The following ECEL1 variants were observed in gnomAD, a reference collection of about 807,000 sequenced individuals.
The protein encoded by ECEL1 is endothelin-converting enzyme-like 1.
Under a neutral mutation model 101.8 loss-of-function variants are expected in ECEL1, and 87 were observed. The ratio of observed to expected loss-of-function variants is 0.85; its 90% confidence interval spans 0.72 to 1.02. The LOEUF is 1.02. ECEL1 is among the 50% of genes least tolerant of loss of function. ECEL1 has a pLI of 0.00. For missense variants in ECEL1, 1,032 were observed against 1,079.2 expected, an observed-to-expected ratio of 0.96 and a Z score of 0.61; for synonymous variants, 487 against 468.7, an observed-to-expected ratio of 1.04 and a Z score of -0.50.
At position 232,484,232 on chromosome 2, in the gene ECEL1, C is replaced by A. The variant is rs758831732; in HGVS notation, c.1185-9G>T. The A allele has an allele frequency of 1.7e-5, 28 of 1,605,180 alleles. No homozygotes were observed. The highest frequency in any genetic ancestry group is 2.3e-5 in the Non-Finnish European group (27 of 1,174,664). ...GGTAGTTGTGCAGGACCCTGGGGAC[C>A]AGGTGAAGCCAGTGGGTGTCCAGAC... On this transcript the variant is annotated splice_polypyrimidine_tract_variant and intron_variant, in intron 6 of 17. Coordinates refer to ENST00000304546, the MANE Select transcript of ECEL1 (RefSeq NM_004826.4).
At chr2:232,485,131 G>T in intron 3 of ECEL1, 40 bp from the exon 4 acceptor site, 2 of 1,611,634 alleles carry the variant, frequency 1.2e-6, no homozygotes, top group Middle Eastern at 1.6e-4. Flanking sequence ...ACAGGGACAG[G>T]CCTAGCCTGG....
chr2:232,482,993 G>A (rs1690623368), intron 9 of ECEL1, 39 bp from the exon 10 acceptor site: 14 of 1,613,118 alleles, frequency 8.7e-6, no homozygotes, highest in Non-Finnish European at 1.0e-5. Context: ...GCAGGCCAGG[G>A]CAGGGCTACC....
Position 232,483,511 on chromosome 2 carries a change from G to T in ECEL1, c.1411C>A (p.Gln471Lys). 1 of 1,607,300 alleles carries T rather than the reference G, an allele frequency of 6.2e-7. No individual in the cohort carries two copies. Among genetic ancestry groups the T allele is most frequent in the African/African-American group, 1.3e-5 (1 of 74,902 alleles). Residue 471 changes from glutamine to lysine, a missense_variant, in exon 8 of 18, where the codon CAG becomes AAG. Gln to Lys is a moderately conservative substitution (Grantham distance 53). Transcript: ENST00000304546. Reference protein sequence around the residue: ...HFSAASKAKVQQLVEDIKYIL... With the variant: ...HFSAASKAKVKQLVEDIKYIL... ...TACTTGATGTCTTCCACTAGCTGCT[G>T]CACCTGCAGGGTCAGGGGTCAGGGA...
chr2:232,480,908 T>G (rs1690560735), intron 15 of ECEL1, 95 bp from the exon 16 acceptor site: 1 of 1,384,200 alleles, frequency 7.2e-7, no homozygotes, highest in East Asian at 2.5e-5. Context: ...CTGCTCTCCC[T>G]GTGAAGGGGG....
intron 6 of ECEL1, 119 bp downstream of exon 6, chr2:232,484,352 CA>C: frequency 5.7e-6 from 9 of 1,565,420 alleles, no homozygotes; most frequent in East Asian, 2.3e-5. Flanking sequence ...AAAGAAGGGA[CA>C]GGGGGTCATC....
intron 15 of ECEL1, 120 bp downstream of exon 15, chr2:232,480,971 C>G: frequency 7.1e-7 from 1 of 1,416,888 alleles, no homozygotes; most frequent in Non-Finnish European, 9.7e-7. Context: ...CATGCCCTGC[C>G]CCACCCCAGG....
At chr2:232,487,519 T>A (rs988515126) in intron 1 of ECEL1, among the ~76,000 whole-genome samples, 200 bp downstream of exon 1, 58 of 151,456 alleles carry the variant, frequency 3.8e-4, no homozygotes, top group African/African-American at 1.3e-3. Flanking sequence ...GCGAGCTGGC[T>A]GGCGACCCCC....
rs1690547614 is a variant in ECEL1, at chr2:232,480,436, G to T, written c.2191C>A (p.Gln731Lys). 12 of 1,613,984 alleles carry T rather than the reference G, an allele frequency of 7.4e-6. No homozygotes were observed. The East Asian group carries it at 2.7e-4, about 36-fold the overall frequency. ...IKRRSQSIYL[Q>K]VLTDKHAPEH... ...GGGGCATGCTTGTCAGTCAGCACCTGCAGGTAGATGGACTGCGACCGCCGC... is the reference window on the plus strand; with the variant it reads ...GGGGCATGCTTGTCAGTCAGCACCTTCAGGTAGATGGACTGCGACCGCCGC... Residue 731 changes from glutamine (Q) to lysine (K), a missense_variant, in exon 17 of 18, where the codon CAG becomes AAG. Gln to Lys is a moderately conservative substitution (Grantham distance 53). Transcript: ENST00000304546.
Position 232,482,444 on chromosome 2 carries a change from G to T in ECEL1, c.1770C>A (p.Pro590=). 2 of 1,614,002 alleles carry T rather than the reference G, an allele frequency of 1.2e-6. No individual in the cohort carries two copies. The highest frequency in any genetic ancestry group is 8.5e-7 in the Non-Finnish European group (1 of 1,180,022). ...QMVFPAGILQ[P]TLYDPDFPQS... Reference sequence around the variant, plus strand: ...GTGGGAAGTCAGGGTCGTACAGGGTGGGCTGCAGGATGCCCGCGGGGAACA... The same window carrying T: ...GTGGGAAGTCAGGGTCGTACAGGGTTGGCTGCAGGATGCCCGCGGGGAACA... The change falls in exon 12 of 18, where the codon CCC becomes CCA. Residue 590 remains proline, a synonymous_variant. Transcript: ENST00000304546.
In ECEL1 at chr2:232,486,441, G is replaced by A; in HGVS notation, c.213C>T (p.Gly71=). The part of the protein sequence containing the change: ...CLLSGLVFAA[G]LCAILAAMLA... ...GCATAGCCGCCAGAATGGCGCAGAG[G>A]CCGGCGGCGAACACCAGCCCCGACA... Residue 71 remains glycine (G), a synonymous_variant, in exon 2 of 18, where the codon GGC becomes GGT. Coordinates refer to ENST00000304546, the MANE Select transcript of ECEL1 (RefSeq NM_004826.4). 6.9e-7 allele frequency: 1 copy of A among 1,455,240 alleles called. No individual in the cohort carries two copies. Among genetic ancestry groups the A allele is most frequent in the African/African-American group, 1.5e-5 (1 of 66,926 alleles). The allele number at this position is 1,455,240 out of a possible 1,614,324, so 90.1% of individuals were successfully genotyped here.
In ECEL1 at chr2:232,479,955, C is replaced by T; in HGVS notation, c.*198G>A. 1 of 606,320 alleles carries T rather than the reference C, an allele frequency of 1.6e-6. No individual in the cohort carries two copies. The highest frequency in any genetic ancestry group is 2.8e-5 in the East Asian group (1 of 36,060). 37.6% of individuals were successfully genotyped at this position (606,320 alleles called of 1,614,324 possible). A position where few individuals can be genotyped will look rare whatever the true frequency, so the allele number is the denominator to read the frequency against. ...TCTGGGGACCCCAGTATATTTCCCT[C>T]ACAGCCCCCCAAAGTCCAGCCTCAC... On this transcript the variant is annotated 3_prime_UTR_variant, in exon 18 of 18. Coordinates refer to ENST00000304546, the MANE Select transcript of ECEL1 (RefSeq NM_004826.4).
Position 232,480,096 on chromosome 2 carries a change from G to A in ECEL1, c.*57C>T, listed in dbSNP as rs1026573854. 5 of 1,562,458 alleles carry A rather than the reference G, an allele frequency of 3.2e-6. No individual in the cohort carries two copies. Among genetic ancestry groups the A allele is most frequent in the Non-Finnish European group, 4.4e-6 (5 of 1,138,070 alleles). On this transcript the variant is annotated 3_prime_UTR_variant, in exon 18 of 18. Transcript: ENST00000304546. ...CACCGGGTGCATGCCTGCCCCGGTAGCCAGCAGGAGGTGATTCGTGCGGGG... is the reference window on the plus strand; with the variant it reads ...CACCGGGTGCATGCCTGCCCCGGTAACCAGCAGGAGGTGATTCGTGCGGGG...
chr2:232,483,473 C>T lies in ECEL1; in HGVS notation c.1449G>A (p.Gln483=), dbSNP rs1369113949. Reference sequence around the variant, plus strand: ...CCATCCAGTCCAGCTCCTCCAGGCGCTGGCCCAGGATGTACTTGATGTCTT... The same window carrying T: ...CCATCCAGTCCAGCTCCTCCAGGCGTTGGCCCAGGATGTACTTGATGTCTT... ...LVEDIKYILG[Q]RLEELDWMDA... Residue 483 remains glutamine, a synonymous_variant, in exon 8 of 18, where the codon CAG becomes CAA. Transcript: ENST00000304546. 11 of 1,612,614 alleles carry T rather than the reference C, an allele frequency of 6.8e-6. No individual in the cohort carries two copies. The highest frequency in any genetic ancestry group is 1.3e-5 in the African/African-American group (1 of 75,040).
chr2:232,479,833 G>T lies in ECEL1; in HGVS notation c.*320C>A. 1 of 374,156 alleles carries T rather than the reference G, an allele frequency of 2.7e-6. No homozygotes were observed. Among genetic ancestry groups the T allele is most frequent in the Admixed American group, 4.1e-5 (1 of 24,320 alleles). The allele number at this position is 374,156 out of a possible 1,614,324, so 23.2% of individuals were successfully genotyped here. A position where few individuals can be genotyped will look rare whatever the true frequency, so the allele number is the denominator to read the frequency against. ...CCCGTGAAGAGGCCAAGGCAACAGT[G>T]CAGTGATTTATTGACCAGACTTTGC... On this transcript the variant is annotated 3_prime_UTR_variant, in exon 18 of 18. Transcript: ENST00000304546.
chr2:232,486,452 A>G lies in ECEL1; in HGVS notation c.202T>C (p.Phe68Leu), dbSNP rs1007334927. 40 of 1,449,422 alleles carry G rather than the reference A, an allele frequency of 2.8e-5. No individual in the cohort carries two copies. The African/African-American group carries it at 4.8e-4, about 17-fold the overall frequency. 89.8% of individuals were successfully genotyped at this position (1,449,422 alleles called of 1,614,324 possible). The change falls in exon 2 of 18, where the codon TTC becomes CTC. Residue 68 changes from phenylalanine to leucine, a missense_variant. Coordinates refer to ENST00000304546, the MANE Select transcript of ECEL1 (RefSeq NM_004826.4). ...AGAATGGCGCAGAGGCCGGCGGCGA[A>G]CACCAGCCCCGACAGCAGGCACACC... ...REVCLLSGLV[F>L]AAGLCAILAA...
chr2:232,483,931 G>T, intron 7 of ECEL1, 70 bp downstream of exon 7: 1 of 1,504,982 alleles, frequency 6.6e-7, no homozygotes. Context: ...CCCATATTAG[G>T]ACCATGGCCT....
At position 232,480,751 on chromosome 2, in the gene ECEL1, T is replaced by C. The variant is rs1229439164; in HGVS notation, c.2118A>G (p.Thr706=). ...PEHPLPRLKY[T]HDQLFFIAFA... ...AGGCAATGAAGAAGAGCTGGTCATG[T>C]GTGTACTTGAGCCGGGGAAGTGGGT... Residue 706 remains threonine, a synonymous_variant, in exon 16 of 18, where the codon ACA becomes ACG. Transcript: ENST00000304546. 1.9e-6 allele frequency: 3 copies of C among 1,613,998 alleles called. No homozygotes were observed. The highest frequency in any genetic ancestry group is 2.5e-6 in the Non-Finnish European group (3 of 1,180,010).
rs1343655912 is a variant in ECEL1, at chr2:232,480,054, G to A, written c.*99C>T. 6 of 1,205,040 alleles carry A rather than the reference G, an allele frequency of 5.0e-6. No homozygotes were observed. Among genetic ancestry groups the A allele is most frequent in the East Asian group, 4.7e-5 (2 of 42,198 alleles). The allele number at this position is 1,205,040 out of a possible 1,614,324, so 74.6% of individuals were successfully genotyped here. On this transcript the variant is annotated 3_prime_UTR_variant, in exon 18 of 18. Coordinates refer to ENST00000304546, the MANE Select transcript of ECEL1 (RefSeq NM_004826.4). ...CTGGAGGGGCTGGAAGGCAGGTGGT[G>A]CCCAGAGCGGGGCTGGCACCGGGTG...
chr2:232,480,498 G>C lies in ECEL1; in HGVS notation c.2152-23C>G, dbSNP rs764517038. 3.1e-6 allele frequency: 5 copies of C among 1,612,826 alleles called. No individual in the cohort carries two copies. In the South Asian group the frequency reaches 5.5e-5, roughly 18 times the overall value. On this transcript the variant is annotated intron_variant, in intron 16 of 17. Coordinates refer to ENST00000304546, the MANE Select transcript of ECEL1 (RefSeq NM_004826.4). ...GTTCTGGGTCCAGGAGCGGGGTGGA[G>C]GGGAGGAGGGGGAGATGAAGCCAGG...
Sources: allele counts gnomAD v4.1 joint callset (sites outside exome capture counted in the v4.1 genomes callset), GRCh38; gene constraint gnomAD v4.1.1; transcripts MANE v1.5; gene names NCBI Gene and HGNC (gene_info 2026-07-23, HGNC 2026-07-21).